Variants in TMEM163 observed in about 807,000 individuals in gnomAD.
TMEM163 encodes the protein transmembrane protein 163.
Under a neutral mutation model 29.3 loss-of-function variants are expected in TMEM163, and 17 were observed. That is an observed-to-expected ratio of 0.58 (90% CI 0.40 to 0.87). The LOEUF (loss-of-function observed/expected upper bound fraction) is 0.87. TMEM163 is among the 40% of genes least tolerant of loss of function. The pLI, the probability that TMEM163 is intolerant of heterozygous loss-of-function variation, is 0.00. For synonymous variants in TMEM163, 157 were observed against 160.6 expected (o/e 0.98, Z 0.17); for missense variants, 303 against 381.5 (o/e 0.79, Z 1.71).
chr2:134,572,927 T>C (rs776841576), intron 2 of TMEM163, among the ~76,000 whole-genome samples: 2 of 152,184 alleles, frequency 1.3e-5, no homozygotes, highest in Non-Finnish European at 1.5e-5. Flanking sequence ...CTTTTAAATA[T>C]ATGCAGTTAC....
intron 5 of TMEM163, among the ~76,000 whole-genome samples, chr2:134,476,124 C>T (rs918575298): frequency 7.9e-5 from 12 of 152,170 alleles, no homozygotes; most frequent in African/African-American, 2.9e-4. Context: ...GTCCAGACAA[C>T]AGAATATTAC....
chr2:134,564,949 C>A (rs1681264714), intron 2 of TMEM163, among the ~76,000 whole-genome samples: 1 of 152,152 alleles, frequency 6.6e-6, no homozygotes, highest in Non-Finnish European at 1.5e-5. Context: ...TCTATAAAAG[C>A]TGATCAGGTC....
chr2:134,561,127 C>T (rs1681169561), intron 2 of TMEM163, among the ~76,000 whole-genome samples: 1 of 152,252 alleles, frequency 6.6e-6, no homozygotes, highest in Non-Finnish European at 1.5e-5. Context: ...GTATACAGCC[C>T]CTCAACTTGT....
At chr2:134,599,629 C>T (rs1228594044) in intron 2 of TMEM163, among the ~76,000 whole-genome samples, 1 of 151,802 alleles carries the variant, frequency 6.6e-6, no homozygotes, top group Non-Finnish European at 1.5e-5. Context: ...AGCAGCCCAG[C>T]TGAGCAAGAC....
At chr2:134,571,576 A>G (rs768959522) in intron 2 of TMEM163, among the ~76,000 whole-genome samples, 8 of 152,352 alleles carry the variant, frequency 5.3e-5, no homozygotes, top group East Asian at 1.9e-4. Context: ...GTGACTCACA[A>G]GAGGGACTCA....
rs1319008685 is a variant in TMEM163, at chr2:134,633,989, AT to A, written c.322+79210del. On this transcript the variant is annotated intron_variant, in intron 2 of 7. Transcript: ENST00000281924. ...TACATATATATATATATATATATAT[AT>A]ATATATATATATATATATATATATA... 1.0e-2 allele frequency among the ~76,000 whole-genome samples: 218 copies of A among 21,836 alleles called. 23 individuals are homozygous for A. The highest frequency in any genetic ancestry group is 0.015 in the African/African-American group (37 of 2,520). The allele number at this position is 21,836 out of a possible 152,430, so 14.3% of individuals were successfully genotyped here. A position where few individuals can be genotyped will look rare whatever the true frequency, so the allele number is the denominator to read the frequency against.
intron 2 of TMEM163, among the ~76,000 whole-genome samples, chr2:134,624,142 C>G (rs1682796734): frequency 6.6e-6 from 1 of 152,202 alleles, no homozygotes; most frequent in African/African-American, 2.4e-5. Context: ...AGCCCCTGCT[C>G]TATAATCTGG....
intron 2 of TMEM163, among the ~76,000 whole-genome samples, chr2:134,646,485 T>C (rs1683340656): frequency 6.6e-6 from 1 of 151,576 alleles, no homozygotes; most frequent in Non-Finnish European, 1.5e-5. Flanking sequence ...AATTTCACTC[T>C]GTCACTCAGA....
At chr2:134,718,316 G>T (rs1280045896) in intron 1 of TMEM163, among the ~76,000 whole-genome samples, 1 of 152,230 alleles carries the variant, frequency 6.6e-6, no homozygotes, top group Non-Finnish European at 1.5e-5. Context: ...GCAGCCGGCG[G>T]AGCCGCAGGG....
chr2:134,589,464 T>C (rs965991248), intron 2 of TMEM163, among the ~76,000 whole-genome samples: 1 of 152,200 alleles, frequency 6.6e-6, no homozygotes. Flanking sequence ...GAAAGTGACC[T>C]CTGGTCGTCC....
chr2:134,636,159 A>C (rs1490878620), intron 2 of TMEM163, among the ~76,000 whole-genome samples: 2 of 152,172 alleles, frequency 1.3e-5, no homozygotes, highest in African/African-American at 4.8e-5. Flanking sequence ...CACTAAGTGC[A>C]TTGTCAGGGC....
chr2:134,640,844 A>C (rs1274394747), intron 2 of TMEM163, among the ~76,000 whole-genome samples: 6 of 152,214 alleles, frequency 3.9e-5, no homozygotes, highest in African/African-American at 1.4e-4. Context: ...TGCAGCTCAG[A>C]GAGGAAGGCA....
intron 4 of TMEM163, among the ~76,000 whole-genome samples, chr2:134,529,757 C>T (rs568343368): frequency 5.3e-5 from 8 of 151,382 alleles, no homozygotes; most frequent in Non-Finnish European, 8.8e-5. Context: ...ACAGCAAGAC[C>T]CTACCTCAAA....
intron 2 of TMEM163, among the ~76,000 whole-genome samples, chr2:134,593,237 G>T (rs74775169): frequency 0.038 from 5,756 of 152,248 alleles, 165 homozygotes; most frequent in Admixed American, 0.085. Flanking sequence ...AGATGGCACT[G>T]TCAGCTTCTT....
intron 2 of TMEM163, among the ~76,000 whole-genome samples, chr2:134,701,151 A>G (rs1684694486): frequency 6.6e-6 from 1 of 151,902 alleles, no homozygotes; most frequent in African/African-American, 2.4e-5. Flanking sequence ...ATTCAAAACA[A>G]ATTAAAAAGT....
At chr2:134,529,999 A>C (rs1053224361) in intron 4 of TMEM163, among the ~76,000 whole-genome samples, 1 of 152,106 alleles carries the variant, frequency 6.6e-6, no homozygotes, top group Non-Finnish European at 1.5e-5. Context: ...GTGCCTGCCA[A>C]GGCCACTTCC....
intron 1 of TMEM163, 81 bp from the exon 2 acceptor site, chr2:134,713,400 A>C: frequency 6.3e-7 from 1 of 1,590,974 alleles, no homozygotes; most frequent in Non-Finnish European, 8.6e-7. Flanking sequence ...TCTTACCCAA[A>C]GATTGCAAAC....
At chr2:134,621,929 A>C (rs1401398357) in intron 2 of TMEM163, among the ~76,000 whole-genome samples, 1 of 152,094 alleles carries the variant, frequency 6.6e-6, no homozygotes, top group Non-Finnish European at 1.5e-5. Flanking sequence ...AACTAAACCC[A>C]ATGTGGTATA....
chr2:134,673,900 T>A (rs1229152174), intron 2 of TMEM163, among the ~76,000 whole-genome samples: 3 of 152,242 alleles, frequency 2.0e-5, no homozygotes, highest in Non-Finnish European at 4.4e-5. Context: ...ACTAAGTTTG[T>A]GGTCATTTGT....
Sources: gnomAD v4.1 joint callset for allele counts (sites outside exome capture counted in the v4.1 genomes callset) on GRCh38, gnomAD v4.1.1 for gene constraint, MANE v1.5 for transcripts, NCBI Gene and HGNC (gene_info 2026-07-23, HGNC 2026-07-21) for gene names.